LINGO2: variants seen among roughly 807,000 people sequenced by gnomAD.
The protein encoded by LINGO2 is leucine rich repeat and Ig domain containing 2.
In LINGO2, 14 loss-of-function variants were observed where a neutral mutation model predicts 30.6. The ratio of observed to expected loss-of-function variants is 0.46; its 90% CI spans 0.30 to 0.72. The LOEUF (loss-of-function observed/expected upper bound fraction) is 0.72, where lower values mean the gene tolerates loss of function less well. LINGO2 is among the 30% of genes least tolerant of loss of function. LINGO2 has a pLI of 0.07. For missense variants in LINGO2, 729 were observed against 751.7 expected (o/e 0.97, Z 0.35); for synonymous variants, 317 against 288.5 (o/e 1.10, Z -1.00).
intron 4 of LINGO2, among the ~76,000 whole-genome samples, chr9:28,131,448 T>TA (rs1452557132): frequency 1.3e-5 from 2 of 152,140 alleles, no homozygotes; most frequent in East Asian, 1.9e-4. Flanking sequence ...CTTTTAACAG[T>TA]AAAAAATGTA....
chr9:28,888,826 T>C, the LINGO2 span: 5 of 527,470 alleles, frequency 9.5e-6, no homozygotes, highest in South Asian at 5.7e-5. Context: ...CAGTGGAAGG[T>C]ACCAGCCATA....
the LINGO2 span, among the ~76,000 whole-genome samples, chr9:29,158,123 G>A: frequency 6.6e-6 from 1 of 150,510 alleles, no homozygotes; most frequent in African/African-American, 2.4e-5. Flanking sequence ...TGGGCAAATT[G>A]TTTAAGCTCG....
downstream of LINGO2, among the ~76,000 whole-genome samples, chr9:27,947,831 C>T (rs1236245777): frequency 2.6e-5 from 4 of 152,188 alleles, no homozygotes; most frequent in African/African-American, 9.7e-5. Context: ...TTGATCTTAG[C>T]CACTGGTGAA....
chr9:28,288,348 C>T (rs936291636), intron 4 of LINGO2, among the ~76,000 whole-genome samples: 22 of 152,124 alleles, frequency 1.4e-4, no homozygotes, highest in African/African-American at 4.8e-4. Context: ...ATACCAGTTT[C>T]CCATCCATTA....
chr9:28,369,440 AC>A (rs1820813764), intron 3 of LINGO2, among the ~76,000 whole-genome samples: 1 of 152,220 alleles, frequency 6.6e-6, no homozygotes, highest in African/African-American at 2.4e-5. Flanking sequence ...TAACCACTAC[AC>A]GTGCTGCCAC....
At chr9:28,136,387 T>G (rs1827518427) in intron 4 of LINGO2, among the ~76,000 whole-genome samples, 2 of 152,200 alleles carry the variant, frequency 1.3e-5, no homozygotes, top group Admixed American at 1.3e-4. Context: ...ACACAGGGTC[T>G]TCAGTTGTCA....
chr9:28,855,649 A>AGACAT, the LINGO2 span, among the ~76,000 whole-genome samples: 13 of 151,988 alleles, frequency 8.6e-5, no homozygotes, highest in Non-Finnish European at 1.5e-4. Context: ...TAGGTGCCCC[A>AGACAT]GACATACACA....
chr9:28,050,042 TG>T (rs1824600616), intron 4 of LINGO2, among the ~76,000 whole-genome samples: 1 of 150,430 alleles, frequency 6.6e-6, no homozygotes, highest in Non-Finnish European at 1.5e-5. Flanking sequence ...AATGAGGAAA[TG>T]GTTGGAGAAA....
chr9:28,037,345 G>GTT (rs1823987220), intron 4 of LINGO2, among the ~76,000 whole-genome samples: 3 of 152,118 alleles, frequency 2.0e-5, no homozygotes, highest in African/African-American at 7.2e-5. Flanking sequence ...TTATACTCCA[G>GTT]TAAGACTAAA....
rs1476316305 is a variant in LINGO2, at chr9:28,512,606, T to G, written c.-364-36581A>C. 4.6e-3 allele frequency among the ~76,000 whole-genome samples: 16 copies of G among 3,500 alleles called. No homozygotes were observed. The East Asian group carries it at 0.36, about 78-fold the overall frequency. The allele number at this position is 3,500 out of a possible 152,430, so 2.3% of individuals were successfully genotyped here. A position where few individuals can be genotyped will look rare whatever the true frequency, so the allele number is the denominator to read the frequency against. ...ATATATATGTGTGTATATATATATATATATATATATATATATATATATATA... is the reference window on the plus strand; with the variant it reads ...ATATATATGTGTGTATATATATATAGATATATATATATATATATATATATA... On this transcript the variant is annotated intron_variant, in intron 1 of 5. Transcript: ENST00000379992.
At chr9:28,985,908 T>TG in the LINGO2 span, among the ~76,000 whole-genome samples, 1 of 152,054 alleles carries the variant, frequency 6.6e-6, no homozygotes, top group Non-Finnish European at 1.5e-5. Context: ...GTCTGCACTT[T>TG]GGGGGGTCAA....
chr9:28,738,589 A>G, the LINGO2 span, among the ~76,000 whole-genome samples: 1 of 152,070 alleles, frequency 6.6e-6, no homozygotes, highest in African/African-American at 2.4e-5. Flanking sequence ...ACAACAGAAA[A>G]TCACTACCAA....
At chr9:28,510,930 A>G (rs939646459) in intron 1 of LINGO2, among the ~76,000 whole-genome samples, 1 of 152,126 alleles carries the variant, frequency 6.6e-6, no homozygotes, top group African/African-American at 2.4e-5. Flanking sequence ...GGCAGGAAGC[A>G]TCGAGTGCGG....
the LINGO2 span, among the ~76,000 whole-genome samples, chr9:28,863,972 T>A: frequency 3.9e-5 from 6 of 152,068 alleles, no homozygotes; most frequent in African/African-American, 1.4e-4. Flanking sequence ...CATGACATTA[T>A]GCAGGATGAA....
the LINGO2 span, among the ~76,000 whole-genome samples, chr9:28,918,714 C>T: frequency 6.6e-6 from 1 of 152,112 alleles, no homozygotes; most frequent in African/African-American, 2.4e-5. Context: ...AATAACGTTC[C>T]AAATGTCTTT....
the LINGO2 span, among the ~76,000 whole-genome samples, chr9:28,870,587 C>T: frequency 2.6e-5 from 4 of 151,980 alleles, no homozygotes; most frequent in Non-Finnish European, 5.9e-5. Flanking sequence ...AATTCTTTGA[C>T]CTTCTGAGGT....
At chr9:28,453,290 C>T (rs764171759) in intron 2 of LINGO2, among the ~76,000 whole-genome samples, 5 of 151,836 alleles carry the variant, frequency 3.3e-5, no homozygotes, top group Non-Finnish European at 7.4e-5. Flanking sequence ...TAGTGAGGTG[C>T]ACACAGTTCC....
At chr9:28,926,890 A>G in the LINGO2 span, among the ~76,000 whole-genome samples, 1 of 152,022 alleles carries the variant, frequency 6.6e-6, no homozygotes, top group Non-Finnish European at 1.5e-5. Context: ...TCTTCTCCTC[A>G]TCCCTCAGGC....
chr9:28,889,062 C>G, the LINGO2 span: 330,870 of 386,750 alleles, frequency 0.86, 142,143 homozygotes, highest in Non-Finnish European at 0.89. Flanking sequence ...CAGCAGCTTG[C>G]CTGGTGCTTG....
Sources: gnomAD v4.1 joint callset for allele counts (sites outside exome capture counted in the v4.1 genomes callset) on GRCh38, gnomAD v4.1.1 for gene constraint, MANE v1.5 for transcripts, NCBI Gene and HGNC (gene_info 2026-07-23, HGNC 2026-07-21) for gene names.